The following GPR89A variants were observed in gnomAD, a reference collection of about 807,000 sequenced individuals.
GPR89A encodes the protein golgi pH regulator A, also known as G protein-coupled receptor 89A.
Under a neutral mutation model 52.0 loss-of-function variants are expected in GPR89A, and 16 were observed. The ratio of observed to expected loss-of-function variants is 0.31; its 90% confidence interval spans 0.21 to 0.47. The LOEUF (loss-of-function observed/expected upper bound fraction) is 0.47. GPR89A is among the 20% of genes least tolerant of loss of function. GPR89A has a pLI of 1.00. For synonymous variants in GPR89A, 55 were observed against 150.9 expected (o/e 0.36, Z 4.66); for missense variants, 135 against 449.4 (o/e 0.30, Z 6.33).
intron 10 of GPR89A, among the ~76,000 whole-genome samples, chr1:145,661,519 C>G (rs1156711569): frequency 7.1e-6 from 1 of 141,298 alleles, no homozygotes; most frequent in Non-Finnish European, 1.5e-5. Flanking sequence ...ACAGTGATGT[C>G]TCTCTTGTTC....
In GPR89A at chr1:145,616,247, G is replaced by A; in HGVS notation, c.56G>A (p.Gly19Glu). 1 of 1,609,768 alleles carries A rather than the reference G, an allele frequency of 6.2e-7. No homozygotes were observed. Among genetic ancestry groups the A allele is most frequent in the East Asian group, 2.2e-5 (1 of 44,736 alleles). ...IMITSQILFF[G>E]FGWLFFMRQL... The stretch of plus-strand genomic sequence containing the variant: ...TTTCTCCTCCAGATACTATTTTTTG[G>A]ATTTGGGTGGCTTTTCTTCATGCGC... Residue 19 changes from glycine to glutamate, a missense_variant, in exon 2 of 14, where the codon GGA becomes GAA. Transcript: ENST00000313835.
chr1:145,619,794 T>G (rs1648994203), intron 3 of GPR89A, among the ~76,000 whole-genome samples: 2 of 152,198 alleles, frequency 1.3e-5, no homozygotes. Context: ...GGCAGGCGGA[T>G]CACGAGGTCA....
intron 10 of GPR89A, among the ~76,000 whole-genome samples, chr1:145,659,336 A>G (rs1418612362): frequency 2.6e-5 from 4 of 151,696 alleles, no homozygotes; most frequent in Admixed American, 6.6e-5. Context: ...AGGCGCATGC[A>G]ACCACTCCCG....
At chr1:145,634,558 G>A (rs1304243090) in intron 7 of GPR89A, among the ~76,000 whole-genome samples, 2 of 150,564 alleles carry the variant, frequency 1.3e-5, no homozygotes, top group Admixed American at 6.6e-5. Context: ...GGATTTCATA[G>A]AAATCTATAT....
intron 1 of GPR89A, chr1:145,612,305 C>T (rs587622989): frequency 6.6e-6 from 1 of 152,264 alleles, no homozygotes; most frequent in African/African-American, 2.4e-5. Flanking sequence ...TATCTGTGTT[C>T]ACAACCATTC....
chr1:145,663,041 G>T (rs2624713), intron 10 of GPR89A, among the ~76,000 whole-genome samples: 1 of 152,162 alleles, frequency 6.6e-6, no homozygotes, highest in Non-Finnish European at 1.5e-5. Context: ...TCATCTACCA[G>T]AATGTTACCT....
intron 10 of GPR89A, 65 bp from the exon 11 acceptor site, chr1:145,663,264 A>G: frequency 1.2e-6 from 2 of 1,608,310 alleles, no homozygotes; most frequent in South Asian, 2.2e-5. Context: ...CATTAGTTTC[A>G]GTCACTTTTT....
intron 5 of GPR89A, among the ~76,000 whole-genome samples, chr1:145,628,159 C>G (rs1571487733): frequency 6.6e-6 from 1 of 151,256 alleles, no homozygotes; most frequent in Non-Finnish European, 1.5e-5. Flanking sequence ...AGAGATGACT[C>G]CAGGAATCTA....
chr1:145,617,039 C>T (rs1648755458), intron 2 of GPR89A, among the ~76,000 whole-genome samples: 1 of 152,156 alleles, frequency 6.6e-6, no homozygotes, highest in Non-Finnish European at 1.5e-5. Flanking sequence ...CAAGAGCAGA[C>T]AACCAGTCTG....
intron 1 of GPR89A, among the ~76,000 whole-genome samples, chr1:145,610,115 G>A (rs1176865043): frequency 4.3e-4 from 65 of 151,888 alleles, no homozygotes; most frequent in Admixed American, 3.7e-3. Context: ...GATCAGTTGC[G>A]GGCACATAGT....
At chr1:145,642,651 A>G (rs1328222100) in intron 7 of GPR89A, among the ~76,000 whole-genome samples, 3 of 152,182 alleles carry the variant, frequency 2.0e-5, no homozygotes, top group African/African-American at 4.8e-5. Flanking sequence ...AGTCCCAGGC[A>G]TAAATACCAA....
intron 3 of GPR89A, among the ~76,000 whole-genome samples, 174 bp from the exon 4 acceptor site, chr1:145,622,880 A>G (rs1433498359): frequency 6.6e-6 from 1 of 152,112 alleles, no homozygotes; most frequent in Non-Finnish European, 1.5e-5. Context: ...CCTTTCAAAA[A>G]TTTGTATTTT....
At chr1:145,655,448 G>A (rs1467961607) in intron 10 of GPR89A, among the ~76,000 whole-genome samples, 2 of 151,792 alleles carry the variant, frequency 1.3e-5, no homozygotes, top group South Asian at 2.1e-4. Context: ...ATCTACCTTC[G>A]ATTTTTGAGG....
intron 4 of GPR89A, 98 bp downstream of exon 4, chr1:145,623,258 T>C: frequency 1.3e-6 from 1 of 789,700 alleles, no homozygotes; most frequent in Non-Finnish European, 2.0e-6. Context: ...ACTTTCAGTA[T>C]CTACCGCTAT....
At position 145,646,117 on chromosome 1, in the gene GPR89A, T is replaced by G. The variant is rs1650971169; in HGVS notation, c.728-67T>G. On this transcript the variant is annotated intron_variant, in intron 8 of 13. Transcript: ENST00000313835. ...TCCACTGTAGGAAAAACCAAAAGTATATGCTTTCTCATTGCCATTTCTTGA... is the reference window on the plus strand; with the variant it reads ...TCCACTGTAGGAAAAACCAAAAGTAGATGCTTTCTCATTGCCATTTCTTGA... 3 of 1,613,220 alleles carry G rather than the reference T, an allele frequency of 1.9e-6. No individual in the cohort carries two copies. In the South Asian group the frequency reaches 3.3e-5, roughly 18 times the overall value.
rs2624739 is a variant in GPR89A, at chr1:145,638,940, A to C, written c.618-4929A>C. 5.6e-3 allele frequency among the ~76,000 whole-genome samples: 828 copies of C among 147,294 alleles called. 8 individuals are homozygous for C. The highest frequency in any genetic ancestry group is 0.021 in the African/African-American group (786 of 37,110). ...GAGTTTGAGTGCAGCCTGAGAGCAA[A>C]GTAACAAGACCCCATCTTGAAAATC... On this transcript the variant is annotated intron_variant, in intron 7 of 13. Transcript: ENST00000313835.
At chr1:145,641,621 T>C (rs1571509388) in intron 7 of GPR89A, among the ~76,000 whole-genome samples, 2 of 152,112 alleles carry the variant, frequency 1.3e-5, no homozygotes, top group South Asian at 4.1e-4. Context: ...CAGAAAATAG[T>C]TGACTGACAT....
At chr1:145,623,195 T>A (rs372279529) in intron 4 of GPR89A, 35 bp downstream of exon 4, 2 of 1,611,332 alleles carry the variant, frequency 1.2e-6, no homozygotes, top group Non-Finnish European at 1.7e-6. Flanking sequence ...GCATATAGAT[T>A]GAGATGAGTA....
intron 8 of GPR89A, chr1:145,645,567 C>T (rs1242785639): frequency 8.8e-6 from 4 of 453,774 alleles, no homozygotes; most frequent in African/African-American, 8.0e-5. Context: ...AAAGAGCAGG[C>T]TTTGGAGGAA....
Sources: allele counts gnomAD v4.1 joint callset (sites outside exome capture counted in the v4.1 genomes callset), GRCh38; gene constraint gnomAD v4.1.1; transcripts MANE v1.5; gene names NCBI Gene and HGNC (gene_info 2026-07-23, HGNC 2026-07-21).